The following GAD1 variants were observed in gnomAD, a reference collection of about 807,000 sequenced individuals.
The protein encoded by GAD1 is 67 kDa glutamic acid decarboxylase.
In GAD1, 35 loss-of-function variants were observed where a neutral mutation model predicts 75.2. The ratio of observed to expected loss-of-function variants is 0.47; its 90% CI spans 0.36 to 0.62. GAD1 has a LOEUF of 0.62. Ranked by LOEUF, GAD1 falls within the 20% of genes least tolerant of loss-of-function variation. The probability of loss-of-function intolerance (pLI) is 0.00; values close to 1 mark genes in which losing one functional copy is unlikely to be tolerated. For missense variants in GAD1, 490 were observed against 758.5 expected (o/e 0.65, Z 4.16); for synonymous variants, 257 against 271.9 (o/e 0.95, Z 0.54).
intron 5 of GAD1, among the ~76,000 whole-genome samples, chr2:170,832,302 C>T (rs1300982008): frequency 6.6e-6 from 1 of 152,128 alleles, no homozygotes; most frequent in Non-Finnish European, 1.5e-5. Flanking sequence ...TTGTCTTTAC[C>T]AGCTTCCAGG....
At chr2:170,815,919 T>C (rs553147034), upstream of GAD1, among the ~76,000 whole-genome samples, 5 of 152,324 alleles carry the variant, frequency 3.3e-5, no homozygotes, top group Middle Eastern at 0.017. Flanking sequence ...TGGTGGGAAT[T>C]TCTCTTTCAA....
chr2:170,858,323 T>G lies in GAD1; in HGVS notation c.1522-481T>G, dbSNP rs560713628. 5.3e-5 allele frequency among the ~76,000 whole-genome samples: 8 copies of G among 152,066 alleles called. No individual in the cohort carries two copies. In the South Asian group the frequency reaches 1.0e-3, roughly 20 times the overall value. On this transcript the variant is annotated intron_variant, in intron 15 of 16. Coordinates refer to ENST00000358196, the MANE Select transcript of GAD1 (RefSeq NM_000817.3). The stretch of plus-strand genomic sequence containing the variant: ...TTATGCTGTAGAAACAGTCTTTTGG[T>G]TTTTTTTAGGAGCAACCCTATTAAT...
chr2:170,845,580 A>G lies in GAD1; in HGVS notation c.826A>G (p.Met276Val), dbSNP rs1488718310. ...KYFPEVKTKGMAAVPKLVLFT... is the reference protein window; with the variant it reads ...KYFPEVKTKGVAAVPKLVLFT... Reference sequence around the variant, plus strand: ...CTTCCCGGAAGTTAAGACAAAGGGCATGGCGGCTGTGCCTAAACTGGTCCT... The same window carrying G: ...CTTCCCGGAAGTTAAGACAAAGGGCGTGGCGGCTGTGCCTAAACTGGTCCT... The change falls in exon 8 of 17, where the codon ATG becomes GTG. Residue 276 changes from methionine (M) to valine (V), a missense_variant. Transcript: ENST00000358196. 3.1e-6 allele frequency: 5 copies of G among 1,614,200 alleles called. No individual in the cohort carries two copies. Among genetic ancestry groups the G allele is most frequent in the Non-Finnish European group, 4.2e-6 (5 of 1,180,042 alleles).
At chr2:170,830,838 C>T (rs1702202422) in intron 4 of GAD1, 112 bp from the exon 5 acceptor site, 2 of 1,368,792 alleles carry the variant, frequency 1.5e-6, no homozygotes, top group African/African-American at 1.4e-5. Context: ...CATACATATC[C>T]CAGAATGAAA....
chr2:170,845,906 G>C, intron 9 of GAD1, 103 bp from the exon 10 acceptor site: 1 of 1,458,970 alleles, frequency 6.9e-7, no homozygotes, highest in Non-Finnish European at 9.6e-7. Context: ...ATGGTCTGTT[G>C]AAAATATCCG....
chr2:170,852,937 C>G, intron 13 of GAD1, 145 bp downstream of exon 13: 1 of 742,136 alleles, frequency 1.3e-6, no homozygotes, highest in Non-Finnish European at 2.4e-6. Context: ...CTGTCCTTTC[C>G]TGCCCTTGCA....
chr2:170,831,342 T>C, intron 5 of GAD1, 150 bp downstream of exon 5: 1 of 904,568 alleles, frequency 1.1e-6, no homozygotes, highest in South Asian at 1.4e-5. Flanking sequence ...AAGAACAAGC[T>C]TGGGCAGTAA....
At chr2:170,840,585 C>A (rs1167671043) in intron 6 of GAD1, among the ~76,000 whole-genome samples, 1 of 140,408 alleles carries the variant, frequency 7.1e-6, no homozygotes, top group Non-Finnish European at 1.5e-5. Context: ...AGCCATCACT[C>A]CGGTGTTCCA....
At chr2:170,852,396 A>T in intron 12 of GAD1, 1 of 396,832 alleles carries the variant, frequency 2.5e-6, no homozygotes. Flanking sequence ...TCAGACTTAA[A>T]CAGTTTGGCT....
At chr2:170,814,498 C>T (rs144714040), upstream of GAD1, among the ~76,000 whole-genome samples, 95 of 152,272 alleles carry the variant, frequency 6.2e-4, 1 homozygote, top group Admixed American at 3.4e-3. Flanking sequence ...AAAATTAAAT[C>T]AAATTTATGA....
Position 170,840,597 on chromosome 2 carries a change from A to G in GAD1, c.639-3448A>G, listed in dbSNP as rs191278883. On this transcript the variant is annotated intron_variant, in intron 6 of 16. Coordinates refer to ENST00000358196, the MANE Select transcript of GAD1 (RefSeq NM_000817.3). ...TCCAGCCATCACTCCGGTGTTCCAGAACTCAGAAAGGAAGGGAGGGAGGGA... is the reference window on the plus strand; with the variant it reads ...TCCAGCCATCACTCCGGTGTTCCAGGACTCAGAAAGGAAGGGAGGGAGGGA... Among the ~76,000 whole-genome samples, 177 of 141,886 alleles carry G rather than the reference A, an allele frequency of 1.2e-3. 1 individual carries two copies. The highest frequency in any genetic ancestry group is 4.5e-3 in the African/African-American group (177 of 39,188). The allele number at this position is 141,886 out of a possible 152,430, so 93.1% of individuals were successfully genotyped here.
At chr2:170,824,071 C>T (rs1264710891) in intron 3 of GAD1, among the ~76,000 whole-genome samples, 1 of 152,162 alleles carries the variant, frequency 6.6e-6, no homozygotes, top group Non-Finnish European at 1.5e-5. Flanking sequence ...TCCACTCCCC[C>T]TCCCCCACTG....
chr2:170,825,911 C>G (rs1702013596), intron 3 of GAD1, among the ~76,000 whole-genome samples: 1 of 152,128 alleles, frequency 6.6e-6, no homozygotes, highest in Non-Finnish European at 1.5e-5. Flanking sequence ...TCTCTGGGAC[C>G]CCTTCTTACA....
At chr2:170,829,385 C>G in intron 3 of GAD1, 90 bp from the exon 4 acceptor site, 7 of 1,396,750 alleles carry the variant, frequency 5.0e-6, no homozygotes, top group South Asian at 4.6e-5. Flanking sequence ...GAAACAAGAG[C>G]CCTGCTTGGA....
chr2:170,821,235 G>C (rs570975152), intron 2 of GAD1, among the ~76,000 whole-genome samples: 1 of 152,302 alleles, frequency 6.6e-6, no homozygotes, highest in Admixed American at 6.5e-5. Context: ...TGGGGATGGG[G>C]CTGCTTCCCA....
At chr2:170,824,929 C>CTGT (rs111270317) in intron 3 of GAD1, among the ~76,000 whole-genome samples, 2 of 149,894 alleles carry the variant, frequency 1.3e-5, no homozygotes, top group African/African-American at 4.9e-5. Context: ...AGCCTACACT[C>CTGT]GTGTGTGTGT....
intron 5 of GAD1, among the ~76,000 whole-genome samples, chr2:170,836,156 AG>A (rs1312073230): frequency 6.6e-6 from 1 of 151,362 alleles, no homozygotes; most frequent in Non-Finnish European, 1.5e-5. Flanking sequence ...CTGGAAACAC[AG>A]CAGTCAGCAT....
At chr2:170,855,602 C>T (rs950855728) in intron 14 of GAD1, among the ~76,000 whole-genome samples, 7 of 151,434 alleles carry the variant, frequency 4.6e-5, no homozygotes, top group Admixed American at 1.3e-4. Flanking sequence ...AGGCTGGGCA[C>T]GGTGGCTCAC....
At position 170,857,048 on chromosome 2, in the gene GAD1, A is replaced by T; in HGVS notation, c.1444A>T (p.Lys482Ter). ...GTVGFENQIN[K>*]CLELAEYLYA... ...AGTGGGATTTGAAAACCAGATCAAC[A>T]AATGCCTGGAACTGGCTGAATACCT... The change falls in exon 15 of 17, where the codon AAA becomes TAA. Residue 482 changes from lysine to a stop codon, truncating the protein, a stop_gained. Transcript: ENST00000358196. LOFTEE classifies it high-confidence loss of function. 1 of 1,614,056 alleles carries T rather than the reference A, an allele frequency of 6.2e-7. No individual in the cohort carries two copies. The highest frequency in any genetic ancestry group is 8.5e-7 in the Non-Finnish European group (1 of 1,179,976).
Sources: gnomAD v4.1 joint callset for allele counts (sites outside exome capture counted in the v4.1 genomes callset) on GRCh38, gnomAD v4.1.1 for gene constraint, MANE v1.5 for transcripts, NCBI Gene and HGNC (gene_info 2026-07-23, HGNC 2026-07-21) for gene names.